Variants in CUBN observed in about 807,000 individuals in gnomAD.
The protein encoded by CUBN is cubilin.
In CUBN, 282 loss-of-function variants were observed where a neutral mutation model predicts 405.3. That is an observed-to-expected ratio of 0.70 (90% CI 0.63 to 0.77). The LOEUF (loss-of-function observed/expected upper bound fraction) is 0.77, where lower values mean the gene tolerates loss of function less well. Ranked by LOEUF, CUBN falls within the 30% of genes least tolerant of loss-of-function variation. The probability of loss-of-function intolerance (pLI) is 0.00; values close to 1 mark genes in which losing one functional copy is unlikely to be tolerated. For missense variants in CUBN, 4,514 were observed against 4,475.2 expected (o/e 1.01, Z -0.25); for synonymous variants, 1,684 against 1,617.0 (o/e 1.04, Z -0.99).
At chr10:17,032,585 A>C (rs1435011626) in intron 27 of CUBN, among the ~76,000 whole-genome samples, 4 of 152,230 alleles carry the variant, frequency 2.6e-5, no homozygotes, top group African/African-American at 9.6e-5. Context: ...AGTAGTGTCT[A>C]GCACATGATG....
intron 14 of CUBN, among the ~76,000 whole-genome samples, chr10:17,098,500 C>A (rs1836427114): frequency 6.6e-6 from 1 of 152,146 alleles, no homozygotes; most frequent in African/African-American, 2.4e-5. Flanking sequence ...GAGCATTTCC[C>A]CATGCTGCTG....
At chr10:16,895,163 G>GT (rs1175153219) in intron 54 of CUBN, among the ~76,000 whole-genome samples, 2 of 152,058 alleles carry the variant, frequency 1.3e-5, no homozygotes, top group Non-Finnish European at 2.9e-5. Context: ...TTCTGTTACT[G>GT]TTTTTTAGTT....
chr10:17,018,676 C>T (rs979015452), intron 28 of CUBN, among the ~76,000 whole-genome samples: 8 of 152,176 alleles, frequency 5.3e-5, no homozygotes, highest in South Asian at 4.1e-4. Context: ...GCCCTGCCCA[C>T]GTCCTGCTGA....
At chr10:17,117,778 G>T (rs1014642837) in intron 6 of CUBN, among the ~76,000 whole-genome samples, 1 of 152,080 alleles carries the variant, frequency 6.6e-6, no homozygotes, top group African/African-American at 2.4e-5. Context: ...TCTATGTCTG[G>T]GAGATCTGAG....
intron 22 of CUBN, among the ~76,000 whole-genome samples, chr10:17,054,631 G>A (rs892767448): frequency 2.0e-5 from 3 of 151,856 alleles, no homozygotes; most frequent in Admixed American, 1.3e-4. Flanking sequence ...GGAATGAAGA[G>A]GGGATGTCAC....
Position 16,998,003 on chromosome 10 carries a change from G to A in CUBN, c.4169-7488C>T, listed in dbSNP as rs150260590. ...AGGGGACACAAACTGGAGTGATCAC[G>A]AGATGAAATCAAAGAAGAAAATCAA... On this transcript the variant is annotated intron_variant, in intron 28 of 66. Coordinates refer to ENST00000377833, the MANE Select transcript of CUBN (RefSeq NM_001081.4). 2.3e-4 allele frequency among the ~76,000 whole-genome samples: 35 copies of A among 152,158 alleles called. No individual in the cohort carries two copies. The East Asian group carries it at 4.4e-3, about 19-fold the overall frequency.
chr10:16,957,116 T>C (rs974582461), intron 31 of CUBN, among the ~76,000 whole-genome samples: 5 of 152,194 alleles, frequency 3.3e-5, no homozygotes, highest in Admixed American at 1.3e-4. Flanking sequence ...TACTGTGTTA[T>C]AGAACATCAG....
chr10:16,906,317 C>A lies in CUBN; in HGVS notation c.7798G>T (p.Glu2600Ter), dbSNP rs766806038. 5 of 1,613,632 alleles carry A rather than the reference C, an allele frequency of 3.1e-6. No individual in the cohort carries two copies. The South Asian group carries it at 3.3e-5, about 11-fold the overall frequency. ...TGATTTGGATTGCTGAGAGTCCATT[C>A]GCAGTTCAGGTTTCTTGAGTAATTC... ...VRNYSRNLNCEWTLSNPNQGN... is the reference protein window; with the variant it reads ...VRNYSRNLNC The change falls in exon 50 of 67, where the codon GAA (glutamate) becomes TAA (stop). Residue 2600 changes from glutamate (E) to a stop codon, truncating the protein, a stop_gained. Coordinates refer to ENST00000377833, the MANE Select transcript of CUBN (RefSeq NM_001081.4). LOFTEE classifies it high-confidence loss of function.
At chr10:17,038,533 A>G (rs1429626660) in intron 27 of CUBN, among the ~76,000 whole-genome samples, 1 of 152,240 alleles carries the variant, frequency 6.6e-6, no homozygotes, top group Non-Finnish European at 1.5e-5. Flanking sequence ...GTGTCTGACC[A>G]GCACGTAATT....
chr10:16,910,047 T>C (rs1423706748), intron 48 of CUBN, among the ~76,000 whole-genome samples: 1 of 148,960 alleles, frequency 6.7e-6, no homozygotes, highest in African/African-American at 2.6e-5. Flanking sequence ...ACTCTTTTCT[T>C]TTTTTTCTTT....
chr10:16,957,318 A>G (rs896111630), intron 31 of CUBN, among the ~76,000 whole-genome samples: 3 of 152,174 alleles, frequency 2.0e-5, no homozygotes, highest in Non-Finnish European at 2.9e-5. Context: ...GCTTATTTCC[A>G]TGAACATAAA....
chr10:16,967,760 G>T (rs1001066965), intron 31 of CUBN, among the ~76,000 whole-genome samples: 5 of 148,318 alleles, frequency 3.4e-5, no homozygotes, highest in African/African-American at 1.3e-4. Flanking sequence ...GGAAAGATAA[G>T]AAGAGAAGGA....
intron 22 of CUBN, among the ~76,000 whole-genome samples, chr10:17,053,408 T>C (rs1269555094): frequency 3.3e-5 from 5 of 151,772 alleles, no homozygotes; most frequent in African/African-American, 1.2e-4. Flanking sequence ...ACAGTAAATA[T>C]AAGAAAGCTG....
At position 16,950,030 on chromosome 10, in the gene CUBN, T is replaced by C; in HGVS notation, c.5051A>G (p.Asp1684Gly). Residue 1684 changes from aspartate (D) to glycine (G), a missense_variant, in exon 34 of 67, where the codon GAT becomes GGT. This residue lies in a region of CUBN where 1,613 missense variants were observed against 1,542.8 expected (regional missense o/e 1.05). Coordinates refer to ENST00000377833, the MANE Select transcript of CUBN (RefSeq NM_001081.4). Reference sequence around the variant, plus strand: ...GAGGGGCGCGTCTTCGTGGCCGCCATCCAAAATTTCTACAAAGTCACGTGC... The same window carrying C: ...GAGGGGCGCGTCTTCGTGGCCGCCACCCAAAATTTCTACAAAGTCACGTGC... ...TCARDFVEIL[D>G]GGHEDAPLRG... is the part of the protein sequence containing the mutation. The C allele has an allele frequency of 1.2e-6, 2 of 1,613,974 alleles. No individual in the cohort carries two copies. Among genetic ancestry groups the C allele is most frequent in the Non-Finnish European group, 8.5e-7 (1 of 1,179,960 alleles).
At chr10:16,955,362 G>A (rs1049268235) in intron 31 of CUBN, among the ~76,000 whole-genome samples, 2 of 116,788 alleles carry the variant, frequency 1.7e-5, no homozygotes, top group Non-Finnish European at 3.3e-5. Context: ...AACAGAGAGC[G>A]AGATTCTGTC....
intron 50 of CUBN, among the ~76,000 whole-genome samples, chr10:16,905,748 T>A (rs1464231147): frequency 1.3e-5 from 2 of 152,162 alleles, no homozygotes; most frequent in East Asian, 1.9e-4. Context: ...CGAACAGAGT[T>A]CTTTTGGATC....
chr10:16,918,332 G>A (rs977022861), intron 45 of CUBN, among the ~76,000 whole-genome samples: 3 of 152,134 alleles, frequency 2.0e-5, no homozygotes, highest in Admixed American at 6.6e-5. Flanking sequence ...TGCAAAGAAT[G>A]TCATAATAGT....
chr10:17,103,234 C>T lies in CUBN; in HGVS notation c.1421G>A (p.Cys474Tyr). The T allele has an allele frequency of 6.3e-7, 1 of 1,593,892 alleles. No individual in the cohort carries two copies. The highest frequency in any genetic ancestry group is 8.6e-7 in the Non-Finnish European group (1 of 1,161,668). The change falls in exon 13 of 67, where the codon TGT becomes TAT. Residue 474 changes from cysteine to tyrosine, a missense_variant. Cys to Tyr is a radical substitution (Grantham distance 194). Transcript: ENST00000377833. ...GALCQVPQQV[C>Y]GESLSGINGS... ...ATTTATTCCTGAGAGGGACTCTCCA[C>T]AAACTGCAAAGGAAAAGATGAACTG...
intron 28 of CUBN, among the ~76,000 whole-genome samples, chr10:17,003,318 A>T (rs7098659): frequency 0.4 from 60,777 of 151,868 alleles, 12,461 homozygotes; most frequent in East Asian, 0.59. Flanking sequence ...TTCCATTACC[A>T]ACGGAGAGAA....
Sources: allele counts gnomAD v4.1 joint callset (sites outside exome capture counted in the v4.1 genomes callset), GRCh38; gene constraint gnomAD v4.1.1; regional missense constraint gnomAD v4.1.1; transcripts MANE v1.5; gene names NCBI Gene and HGNC (gene_info 2026-07-23, HGNC 2026-07-21).